The following TMEM242 variants were observed in gnomAD, a reference collection of about 807,000 sequenced individuals.
TMEM242 encodes transmembrane protein 242.
A neutral mutation model predicts 18.2 loss-of-function variants in TMEM242; 10 were observed. That is an observed-to-expected ratio of 0.55 (90% confidence interval 0.34 to 0.93). The LOEUF is 0.93. TMEM242 is among the 40% of genes least tolerant of loss of function. TMEM242 has a pLI of 0.02. For missense variants in TMEM242, 186 were observed against 175.5 expected (o/e 1.06, Z -0.34); for synonymous variants, 57 against 69.9 (o/e 0.81, Z 0.92).
intron 3 of TMEM242, among the ~76,000 whole-genome samples, chr6:157,312,910 GCTCACCC>G (rs1778227762): frequency 2.1e-4 from 1 of 4,862 alleles, no homozygotes; most frequent in African/African-American, 7.1e-4. Flanking sequence ...CCCACTGTGC[GCTCACCC>G]GGCATCATCA....
At position 157,323,281 on chromosome 6, in the gene TMEM242, G is replaced by T. The variant is rs1778523879; in HGVS notation, c.88+131C>A. On this transcript the variant is annotated intron_variant, in intron 1 of 3. Transcript: ENST00000400788. ...CTCCCTGGGCCGCCAGACTCCGCGG[G>T]CTAAACTCAGGGGCAAGCACAAGCT... 5 of 1,041,978 alleles carry T rather than the reference G, an allele frequency of 4.8e-6. No homozygotes were observed. The Admixed American group carries it at 9.0e-5, about 19-fold the overall frequency. 64.5% of individuals were successfully genotyped at this position (1,041,978 alleles called of 1,614,324 possible).
chr6:157,289,156 C>T lies in TMEM242; in HGVS notation c.*3745G>A, dbSNP rs587682868. On this transcript the variant is annotated 3_prime_UTR_variant, in exon 4 of 4. Transcript: ENST00000400788. ...AAATATAAATCAAGGTCCTAAATCA[C>T]TTCACTAATACTTGGGTGGGAAAGT... is the stretch of plus-strand genomic sequence containing the variant. Among the ~76,000 whole-genome samples, 13 of 151,878 alleles carry T rather than the reference C, an allele frequency of 8.6e-5. No individual in the cohort carries two copies. In the South Asian group the frequency reaches 2.1e-3, roughly 24 times the overall value.
In TMEM242 at chr6:157,299,001, C is replaced by A. The variant is rs1777789019; in HGVS notation, c.328-6002G>T. On this transcript the variant is annotated intron_variant, in intron 3 of 3. Transcript: ENST00000400788. Reference sequence around the variant, plus strand: ...AAAATTTTGATATATAACCCTATATCTATGATCTCTTCAATAATTTCAGAA... The same window carrying A: ...AAAATTTTGATATATAACCCTATATATATGATCTCTTCAATAATTTCAGAA... 1.5e-5 allele frequency: 4 copies of A among 268,644 alleles called. No individual in the cohort carries two copies. The South Asian group carries it at 2.0e-4, about 13-fold the overall frequency. 16.6% of individuals were successfully genotyped at this position (268,644 alleles called of 1,614,324 possible).
intron 3 of TMEM242, among the ~76,000 whole-genome samples, chr6:157,310,358 CAT>C (rs1310957646): frequency 9.4e-6 from 1 of 106,940 alleles, no homozygotes; most frequent in Non-Finnish European, 2.1e-5. Flanking sequence ...ACAACTGAAT[CAT>C]AGCATCCCAG....
At chr6:157,311,282 GCACA>G (rs1778070896) in intron 3 of TMEM242, among the ~76,000 whole-genome samples, 1 of 65,254 alleles carries the variant, frequency 1.5e-5, no homozygotes, top group African/African-American at 7.0e-5. Context: ...GCCCCCGTGT[GCACA>G]CACCGAGCCT....
chr6:157,304,300 T>C (rs993741105), intron 3 of TMEM242, among the ~76,000 whole-genome samples: 1 of 151,608 alleles, frequency 6.6e-6, no homozygotes, highest in Non-Finnish European at 1.5e-5. Flanking sequence ...AGCCCGTCTC[T>C]ACAAAAAATA....
chr6:157,316,861 C>T (rs1554250385), intron 3 of TMEM242, among the ~76,000 whole-genome samples: 1 of 152,128 alleles, frequency 6.6e-6, no homozygotes, highest in African/African-American at 2.4e-5. Flanking sequence ...CAGAGGAAGA[C>T]CTTGTCTCCA....
At position 157,299,549 on chromosome 6, in the gene TMEM242, GA is replaced by G. The variant is rs1583557015; in HGVS notation, c.328-6551del. The G allele has an allele frequency of 5.9e-6, 9 of 1,524,124 alleles. No individual in the cohort carries two copies. In the East Asian group the frequency reaches 2.0e-4, roughly 34 times the overall value. The allele number at this position is 1,524,124 out of a possible 1,614,324, so 94.4% of individuals were successfully genotyped here. A position where few individuals can be genotyped will look rare whatever the true frequency, so the allele number is the denominator to read the frequency against. ...GCCGCTTCCAATAACACGGTTTTTG[GA>G]AAATGCACTCAACTTCCAGGCTACA... On this transcript the variant is annotated intron_variant, in intron 3 of 3. Transcript: ENST00000400788.
chr6:157,303,232 A>G lies in TMEM242; in HGVS notation c.328-10233T>C, dbSNP rs141668881. On this transcript the variant is annotated intron_variant, in intron 3 of 3. Transcript: ENST00000400788. Reference sequence around the variant, plus strand: ...GGATTTGGTAAATGTAGTAGAAAAGAATGAGGAACTGTAGAGCTGAGTGAG... The same window carrying G: ...GGATTTGGTAAATGTAGTAGAAAAGGATGAGGAACTGTAGAGCTGAGTGAG... Among the ~76,000 whole-genome samples the G allele has an allele frequency of 3.9e-5, 6 of 152,332 alleles. No individual in the cohort carries two copies. The East Asian group carries it at 1.2e-3, about 29-fold the overall frequency.
intron 3 of TMEM242, among the ~76,000 whole-genome samples, chr6:157,301,398 G>A (rs1192655859): frequency 6.6e-6 from 1 of 151,680 alleles, no homozygotes; most frequent in East Asian, 1.9e-4. Context: ...TGCAACCTCT[G>A]CCTCCCAGGT....
chr6:157,310,823 C>A (rs62425561), intron 3 of TMEM242, among the ~76,000 whole-genome samples: 3 of 143,838 alleles, frequency 2.1e-5, no homozygotes, highest in African/African-American at 7.9e-5. Context: ...TGTGCACTCA[C>A]CCGGCCTCAT....
At position 157,290,585 on chromosome 6, in the gene TMEM242, C is replaced by G. The variant is rs1371438936; in HGVS notation, c.*2316G>C. The G allele has an allele frequency of 2.0e-5, 3 of 152,216 alleles. No homozygotes were observed. The highest frequency in any genetic ancestry group is 2.0e-4 in the Admixed American group (3 of 15,284). The allele number at this position is 152,216 out of a possible 1,614,324, so 9.4% of individuals were successfully genotyped here. A position where few individuals can be genotyped will look rare whatever the true frequency, so the allele number is the denominator to read the frequency against. Reference sequence around the variant, plus strand: ...ATAAAGAATAACATTATCTGTTCAACATTTTTCCTTTCCATTAACCAATTT... The same window carrying G: ...ATAAAGAATAACATTATCTGTTCAAGATTTTTCCTTTCCATTAACCAATTT... On this transcript the variant is annotated 3_prime_UTR_variant, in exon 4 of 4. Transcript: ENST00000400788.
intron 3 of TMEM242, among the ~76,000 whole-genome samples, chr6:157,313,595 CTAA>C (rs1778288304): frequency 6.6e-6 from 1 of 151,628 alleles, no homozygotes; most frequent in Non-Finnish European, 1.5e-5. Context: ...GTGCGCTCAC[CTAA>C]CCCCATCATA....
chr6:157,299,812 T>A, intron 3 of TMEM242: 1 of 1,608,902 alleles, frequency 6.2e-7, no homozygotes. Context: ...GGCTGCCATG[T>A]TGAAGATCCA....
At chr6:157,294,443 C>CG (rs1220311085) in intron 3 of TMEM242, among the ~76,000 whole-genome samples, 31 of 149,472 alleles carry the variant, frequency 2.1e-4, no homozygotes, top group African/African-American at 7.6e-4. Context: ...CTCCGCCTCC[C>CG]GGGTTCACGC....
chr6:157,305,634 AGGAGCTACT>A lies in TMEM242; in HGVS notation c.328-12644_328-12636del, dbSNP rs1269349940. On this transcript the variant is annotated intron_variant, in intron 3 of 3. Transcript: ENST00000400788. This position sits in a 1 kb window ranked among gnomAD's most constrained non-coding sequence, Gnocchi z 4.1. ...AGATGGAGGACAGAAGAGTTTAAGT[AGGAGCTACT>A]GGACACTGATGTTAAGAGGCTGGCC... Among the ~76,000 whole-genome samples the A allele has an allele frequency of 2.6e-5, 4 of 152,200 alleles. No homozygotes were observed. The highest frequency in any genetic ancestry group is 9.7e-5 in the African/African-American group (4 of 41,438).
chr6:157,302,388 T>C (rs1554247585), intron 3 of TMEM242, among the ~76,000 whole-genome samples: 1 of 152,202 alleles, frequency 6.6e-6, no homozygotes, highest in Non-Finnish European at 1.5e-5. Flanking sequence ...ATAAGTGTTG[T>C]TGAACATGAA....
chr6:157,311,376 T>TGTGCGCTCACCTAGCCTCATCATAGTGTC (rs1778081141), intron 3 of TMEM242, among the ~76,000 whole-genome samples: 2 of 19,594 alleles, frequency 1.0e-4, no homozygotes, highest in African/African-American at 2.3e-4. Context: ...ATCATAGTGT[T>TGTGCGCTCACCTAGCCTCATCATAGTGTC]CCAGTGTGCG....
intron 3 of TMEM242, among the ~76,000 whole-genome samples, chr6:157,311,133 A>C (rs1311268640): frequency 6.1e-5 from 9 of 148,262 alleles, no homozygotes; most frequent in African/African-American, 2.0e-4. Flanking sequence ...GCCCCATCAT[A>C]GTGTCCCAGT....
Sources: gnomAD v4.1 joint callset for allele counts (sites outside exome capture counted in the v4.1 genomes callset) on GRCh38, gnomAD v4.1.1 for gene constraint, Gnocchi (gnomAD v3.1) non-coding constraint, MANE v1.5 for transcripts, NCBI Gene and HGNC (gene_info 2026-07-23, HGNC 2026-07-21) for gene names.